Variants in LRRC75A observed in about 807,000 individuals in gnomAD.
The protein encoded by LRRC75A is leucine rich repeat containing 75A, also known as leucine-rich repeat-containing protein 75A.
A neutral mutation model predicts 26.0 loss-of-function variants in LRRC75A; 12 were observed. The observed-to-expected ratio is 0.46, with a 90% CI of 0.30 to 0.75. LRRC75A has a LOEUF of 0.75. Among genes scored for constraint, LRRC75A ranks in the 30% least tolerant of loss-of-function variants. The probability of loss-of-function intolerance (pLI) is 0.08; values close to 1 mark genes in which losing one functional copy is unlikely to be tolerated. For missense variants in LRRC75A, 410 were observed against 486.6 expected (o/e 0.84, Z 1.48); for synonymous variants, 223 against 219.3 (o/e 1.02, Z -0.15).
intron 1 of LRRC75A, among the ~76,000 whole-genome samples, chr17:16,469,043 G>A (rs1263605481): frequency 6.6e-6 from 1 of 152,104 alleles, no homozygotes; most frequent in East Asian, 1.9e-4. Flanking sequence ...TTACTTTCAG[G>A]TATTGGTCTG....
rs766449990 is a variant in LRRC75A at position 16,445,158 on chromosome 17, ATT to A, written c.492-1029_492-1028del. On this transcript the variant is annotated intron_variant, in intron 3 of 3. Transcript: ENST00000470794. Reference sequence around the variant, plus strand: ...GCCAACACGCCTGGCCATTTTCTGCATTTTTTTTTTTTTTTTTTTTTTTTTTT... The same window carrying A: ...GCCAACACGCCTGGCCATTTTCTGCATTTTTTTTTTTTTTTTTTTTTTTTT... Among the ~76,000 whole-genome samples, 399 of 69,668 alleles carry A rather than the reference ATT, an allele frequency of 5.7e-3. 2 individuals are homozygous for A. Among genetic ancestry groups the A allele is most frequent in the African/African-American group, 0.024 (377 of 15,802 alleles). 45.7% of individuals were successfully genotyped at this position (69,668 alleles called of 152,430 possible). A position where few individuals can be genotyped will look rare whatever the true frequency, so the allele number is the denominator to read the frequency against.
At chr17:16,472,624 A>T (rs1258513248) in intron 1 of LRRC75A, among the ~76,000 whole-genome samples, 1 of 152,192 alleles carries the variant, frequency 6.6e-6, no homozygotes, top group Non-Finnish European at 1.5e-5. Flanking sequence ...GGCATACGGA[A>T]ATCTGGTATT....
chr17:16,482,302 G>A (rs1601201470), intron 1 of LRRC75A, among the ~76,000 whole-genome samples: 2 of 152,272 alleles, frequency 1.3e-5, no homozygotes, highest in African/African-American at 4.8e-5. Context: ...AAGCCTCCTT[G>A]GCACCTGTAT....
chr17:16,441,708 TCACAGC>T lies in LRRC75A; in HGVS notation c.*1874_*1879del. ...CCCACCTTGTAGCTGGGACTACAGC[TCACAGC>T]ACACCTGGCTAAAATTTTTTTTTTG... On this transcript the variant is annotated 3_prime_UTR_variant, in exon 4 of 4. Coordinates refer to ENST00000470794, the MANE Select transcript of LRRC75A (RefSeq NM_001113567.3). 4 of 263,622 alleles carry T rather than the reference TCACAGC, an allele frequency of 1.5e-5. No homozygotes were observed. The highest frequency in any genetic ancestry group is 7.2e-5 in the South Asian group (2 of 27,900). The allele number at this position is 263,622 out of a possible 1,614,324, so 16.3% of individuals were successfully genotyped here.
At chr17:16,464,844 G>C (rs1199961702) in intron 1 of LRRC75A, among the ~76,000 whole-genome samples, 3 of 152,248 alleles carry the variant, frequency 2.0e-5, no homozygotes, top group African/African-American at 7.2e-5. Context: ...CCTGAGGCGG[G>C]AGGAAGCTGG....
At chr17:16,469,126 T>C (rs1601180840) in intron 1 of LRRC75A, among the ~76,000 whole-genome samples, 1 of 152,240 alleles carries the variant, frequency 6.6e-6, no homozygotes, top group Non-Finnish European at 1.5e-5. Context: ...TCTGGATTTA[T>C]CTTTTTTGGT....
At position 16,443,520 on chromosome 17, in the gene LRRC75A, G is replaced by C. The variant is rs556402537; in HGVS notation, c.*68C>G. ...CCTTAACCCACCTGATAGGAGAAGC[G>C]CCCTCCCCTGCCTGCCTTGCCCATT... On this transcript the variant is annotated 3_prime_UTR_variant, in exon 4 of 4. Transcript: ENST00000470794. The C allele has an allele frequency of 7.2e-7, 1 of 1,381,902 alleles. No individual in the cohort carries two copies. The highest frequency in any genetic ancestry group is 2.5e-5 in the East Asian group (1 of 39,472). The allele number at this position is 1,381,902 out of a possible 1,614,324, so 85.6% of individuals were successfully genotyped here. A position where few individuals can be genotyped will look rare whatever the true frequency, so the allele number is the denominator to read the frequency against.
At chr17:16,469,708 G>A (rs549492851) in intron 1 of LRRC75A, among the ~76,000 whole-genome samples, 1 of 152,330 alleles carries the variant, frequency 6.6e-6, no homozygotes, top group South Asian at 2.1e-4. Flanking sequence ...GAAGTCCATG[G>A]AAATCTATAA....
At chr17:16,486,866 C>T (rs1458021619) in intron 1 of LRRC75A, among the ~76,000 whole-genome samples, 2 of 152,208 alleles carry the variant, frequency 1.3e-5, no homozygotes, top group East Asian at 3.9e-4. Context: ...AGTTGCACAG[C>T]CGTAGCTGGG....
chr17:16,462,501 G>C lies in LRRC75A; in HGVS notation c.247-115C>G, dbSNP rs1025349781. 1 of 1,392,496 alleles carries C rather than the reference G, an allele frequency of 7.2e-7. No homozygotes were observed. The highest frequency in any genetic ancestry group is 9.7e-7 in the Non-Finnish European group (1 of 1,031,236). The allele number at this position is 1,392,496 out of a possible 1,614,324, so 86.3% of individuals were successfully genotyped here. A position where few individuals can be genotyped will look rare whatever the true frequency, so the allele number is the denominator to read the frequency against. Reference sequence around the variant, plus strand: ...AGGCGACTCTGCCTCCCAGAGCCCCGGTGGGGAGCATCTGCAGAACTTCCC... The same window carrying C: ...AGGCGACTCTGCCTCCCAGAGCCCCCGTGGGGAGCATCTGCAGAACTTCCC... On this transcript the variant is annotated intron_variant, in intron 1 of 3. Coordinates refer to ENST00000470794, the MANE Select transcript of LRRC75A (RefSeq NM_001113567.3). The surrounding 1 kb of genome is among the most constrained non-coding windows in gnomAD (Gnocchi z 4.6).
chr17:16,456,822 G>C (rs961218242), intron 2 of LRRC75A, among the ~76,000 whole-genome samples: 3 of 152,224 alleles, frequency 2.0e-5, no homozygotes, highest in Non-Finnish European at 4.4e-5. Flanking sequence ...GTTATGTGCA[G>C]CAGAATCCTA....
At chr17:16,461,495 A>C (rs1247217022) in intron 2 of LRRC75A, among the ~76,000 whole-genome samples, 1 of 152,234 alleles carries the variant, frequency 6.6e-6, no homozygotes, top group African/African-American at 2.4e-5. Flanking sequence ...GGGGGAGCCT[A>C]GACCTGGAGC....
intron 3 of LRRC75A, among the ~76,000 whole-genome samples, chr17:16,445,211 G>A (rs1248788351): frequency 2.2e-5 from 3 of 136,130 alleles, no homozygotes; most frequent in African/African-American, 8.4e-5. Flanking sequence ...TGTCACCCAG[G>A]CTGGAGTGCA....
chr17:16,477,195 A>G (rs572415736), intron 1 of LRRC75A, among the ~76,000 whole-genome samples: 1 of 152,330 alleles, frequency 6.6e-6, no homozygotes, highest in East Asian at 1.9e-4. Context: ...TCAGATGTTA[A>G]TCACATCTGA....
chr17:16,491,085 C>G lies in LRRC75A; in HGVS notation c.246+660G>C. On this transcript the variant is annotated intron_variant, in intron 1 of 3. Coordinates refer to ENST00000470794, the MANE Select transcript of LRRC75A (RefSeq NM_001113567.3). The surrounding 1 kb of genome is among the most constrained non-coding windows in gnomAD (Gnocchi z 5.9). ...AGGCTAAGGACAGAGTCCTGGCAGT[C>G]TCCTGAAGTTGCTGCTGGCCAGGTG... Among the ~76,000 whole-genome samples the G allele has an allele frequency of 6.6e-6, 1 of 152,256 alleles. No individual in the cohort carries two copies. Among genetic ancestry groups the G allele is most frequent in the Non-Finnish European group, 1.5e-5 (1 of 68,042 alleles).
intron 1 of LRRC75A, among the ~76,000 whole-genome samples, chr17:16,484,655 A>T (rs77691913): frequency 6.6e-6 from 1 of 152,280 alleles, no homozygotes; most frequent in Non-Finnish European, 1.5e-5. Flanking sequence ...TCACCCAGGG[A>T]AGGGAAAAAC....
Position 16,492,097 on chromosome 17 carries a change from T to C in LRRC75A, c.-107A>G, listed in dbSNP as rs1409264602. On this transcript the variant is annotated 5_prime_UTR_variant, in exon 1 of 4. Transcript: ENST00000470794. Reference sequence around the variant, plus strand: ...CGCGCTCGCCTCCCGGGCTGCAACTTTGGGGGAACTGTTGCGCGCGGGCGT... The same window carrying C: ...CGCGCTCGCCTCCCGGGCTGCAACTCTGGGGGAACTGTTGCGCGCGGGCGT... 1.4e-5 allele frequency: 14 copies of C among 980,842 alleles called. No individual in the cohort carries two copies. The highest frequency in any genetic ancestry group is 4.8e-4 in the Middle Eastern group (1 of 2,066). 60.8% of individuals were successfully genotyped at this position (980,842 alleles called of 1,614,324 possible). A position where few individuals can be genotyped will look rare whatever the true frequency, so the allele number is the denominator to read the frequency against.
Position 16,462,296 on chromosome 17 carries a change from T to C in LRRC75A, c.337A>G (p.Ile113Val). 2 of 1,614,050 alleles carry C rather than the reference T, an allele frequency of 1.2e-6. No homozygotes were observed. Among genetic ancestry groups the C allele is most frequent in the South Asian group, 2.2e-5 (2 of 91,078 alleles). Reference sequence around the variant, plus strand: ...TGGATGTAGCGTGCCAGGCTGATGATGAGGTCGTGTGTGATGGGGTCCACC... The same window carrying C: ...TGGATGTAGCGTGCCAGGCTGATGACGAGGTCGTGTGTGATGGGGTCCACC... ...NLVDPITHDL[I>V]ISLARYIHCP... is the part of the protein sequence containing the mutation. Residue 113 changes from isoleucine to valine, a missense_variant, in exon 2 of 4, where the codon ATC becomes GTC. Transcript: ENST00000470794. This position sits in a 1 kb window ranked among gnomAD's most constrained non-coding sequence, Gnocchi z 4.6.
chr17:16,477,033 C>T (rs1257348060), intron 1 of LRRC75A, among the ~76,000 whole-genome samples: 6 of 150,824 alleles, frequency 4.0e-5, no homozygotes, highest in South Asian at 2.1e-4. Flanking sequence ...CCACTGCGCC[C>T]GGCCATGCCT....
Sources: gnomAD v4.1 joint callset for allele counts (sites outside exome capture counted in the v4.1 genomes callset) on GRCh38, gnomAD v4.1.1 for gene constraint, Gnocchi (gnomAD v3.1) non-coding constraint, MANE v1.5 for transcripts, NCBI Gene and HGNC (gene_info 2026-07-23, HGNC 2026-07-21) for gene names.